The following PRPF18 variants were observed in gnomAD, a reference collection of about 807,000 sequenced individuals.
The protein encoded by PRPF18 is pre-mRNA-splicing factor 18.
A neutral mutation model predicts 46.5 loss-of-function variants in PRPF18; 38 were observed. The observed-to-expected ratio is 0.82, with a 90% CI of 0.63 to 1.07. PRPF18 has a LOEUF of 1.07. PRPF18 is among the 50% of genes least tolerant of loss of function. The pLI is 0.00. For missense variants in PRPF18, 263 were observed against 410.0 expected, an observed-to-expected ratio of 0.64 and a Z score of 3.10; for synonymous variants, 152 against 146.7, an observed-to-expected ratio of 1.04 and a Z score of -0.26.
chr10:13,651,950 A>C, the PRPF18 span: 2 of 1,596,302 alleles, frequency 1.3e-6, no homozygotes, highest in African/African-American at 1.3e-5. Context: ...ACCCATCCAG[A>C]ATGGGTGAGT....
chr10:13,604,921 A>G (rs1436602147), intron 3 of PRPF18, among the ~76,000 whole-genome samples: 2 of 152,264 alleles, frequency 1.3e-5, no homozygotes, highest in South Asian at 2.1e-4. Context: ...AATGAGGGCC[A>G]CAGACATGCC....
intron 9 of PRPF18, among the ~76,000 whole-genome samples, chr10:13,623,688 G>GTGGTT (rs138412407): frequency 2.0e-5 from 3 of 151,466 alleles, no homozygotes; most frequent in African/African-American, 7.3e-5. Flanking sequence ...AATTGTGATT[G>GTGGTT]TGGTTTGGTT....
the PRPF18 span, chr10:13,652,124 T>A: frequency 1.5e-6 from 1 of 666,090 alleles, no homozygotes; most frequent in Non-Finnish European, 2.8e-6. Context: ...ATACAAGTCA[T>A]GCAGTACTTT....
At chr10:13,596,549 G>A (rs926705228) in intron 1 of PRPF18, among the ~76,000 whole-genome samples, 4 of 152,156 alleles carry the variant, frequency 2.6e-5, no homozygotes, top group Admixed American at 1.3e-4. Context: ...TAATACAGTC[G>A]GGGACAGTGT....
At chr10:13,654,085 T>C in the PRPF18 span, 1 of 459,426 alleles carries the variant, frequency 2.2e-6, no homozygotes, top group Non-Finnish European at 3.8e-6. Context: ...GCATTTTGAG[T>C]CAGCCTGAGT....
At chr10:13,607,956 G>A (rs2080213810) in intron 4 of PRPF18, among the ~76,000 whole-genome samples, 1 of 152,140 alleles carries the variant, frequency 6.6e-6, no homozygotes, top group African/African-American at 2.4e-5. Context: ...TGATGATAGT[G>A]TTGTTCAGAT....
chr10:13,589,952 G>A (rs1053315708), intron 1 of PRPF18, among the ~76,000 whole-genome samples: 6 of 152,062 alleles, frequency 3.9e-5, no homozygotes, highest in Non-Finnish European at 5.9e-5. Context: ...AAATTTAGGT[G>A]TTGGAGTGCA....
chr10:13,650,477 G>A, the PRPF18 span, among the ~76,000 whole-genome samples: 11 of 152,290 alleles, frequency 7.2e-5, no homozygotes, highest in South Asian at 1.4e-3. Flanking sequence ...CATTCCCACC[G>A]CAGCTCTTTC....
At chr10:13,639,780 C>G in the PRPF18 span, 1 of 152,188 alleles carries the variant, frequency 6.6e-6, no homozygotes. Flanking sequence ...TCATGAGACT[C>G]TGCAAACCAC....
intron 6 of PRPF18, among the ~76,000 whole-genome samples, chr10:13,613,179 G>C (rs2080296383): frequency 6.6e-6 from 1 of 151,532 alleles, no homozygotes; most frequent in Admixed American, 6.6e-5. Context: ...AGCCTTCTCT[G>C]TTTCCTACTT....
At chr10:13,650,704 T>C in the PRPF18 span, among the ~76,000 whole-genome samples, 1 of 152,188 alleles carries the variant, frequency 6.6e-6, no homozygotes, top group East Asian at 1.9e-4. Context: ...CTTTGCAATA[T>C]TGTCCTAACT....
chr10:13,630,149 G>GCAAAT, intron 9 of PRPF18, 111 bp from the exon 10 acceptor site: 1 of 863,332 alleles, frequency 1.2e-6, no homozygotes, highest in Non-Finnish European at 1.9e-6. Context: ...ATTTGCTTGG[G>GCAAAT]TCTGCTGCAT....
intron 6 of PRPF18, among the ~76,000 whole-genome samples, chr10:13,612,686 G>T (rs1222617966): frequency 2.8e-5 from 4 of 142,080 alleles, no homozygotes; most frequent in Non-Finnish European, 6.0e-5. Flanking sequence ...AGGCTGGAGT[G>T]CAGTGGTGTC....
In PRPF18 at chr10:13,610,076, T is replaced by A; in HGVS notation, c.401T>A (p.Ile134Asn). The change falls in exon 5 of 10, where the codon ATT (isoleucine) becomes AAT (asparagine). Residue 134 changes from isoleucine (I) to asparagine (N), a missense_variant. Ile to Asn is a moderately radical substitution (Grantham distance 149). Around this residue, in one of 4 missense-constraint regions of PRPF18, gnomAD observed 155 missense variants for 245.1 expected, o/e 0.63. Coordinates refer to ENST00000378572, the MANE Select transcript of PRPF18 (RefSeq NM_003675.4). ...GATTTGAAAGCAGCCTTGGATAAGATTGATCAGCAGTACCTCAATGAAATC... is the reference window on the plus strand; with the variant it reads ...GATTTGAAAGCAGCCTTGGATAAGAATGATCAGCAGTACCTCAATGAAATC... Reference protein sequence around the residue: ...RNDLKAALDKIDQQYLNEIVG... With the variant: ...RNDLKAALDKNDQQYLNEIVG... 1 of 1,613,620 alleles carries A rather than the reference T, an allele frequency of 6.2e-7. No individual in the cohort carries two copies. The highest frequency in any genetic ancestry group is 8.5e-7 in the Non-Finnish European group (1 of 1,179,536).
intron 3 of PRPF18, among the ~76,000 whole-genome samples, chr10:13,602,619 T>C (rs960731192): frequency 3.3e-5 from 5 of 151,900 alleles, no homozygotes; most frequent in African/African-American, 1.2e-4. Context: ...TCATTCTTTA[T>C]ATATAGAAAA....
intron 6 of PRPF18, 92 bp from the exon 7 acceptor site, chr10:13,613,649 G>A (rs1589131064): frequency 5.4e-6 from 7 of 1,300,466 alleles, no homozygotes; most frequent in Non-Finnish European, 7.4e-6. Flanking sequence ...CTTTAAGGAT[G>A]ATTGTATTCT....
the PRPF18 span, chr10:13,642,431 T>G: frequency 1.3e-5 from 2 of 152,242 alleles, no homozygotes; most frequent in Non-Finnish European, 2.9e-5. Context: ...TTTGAAATGG[T>G]ATCCTGGGAA....
At chr10:13,652,078 G>T in the PRPF18 span, 1 of 756,462 alleles carries the variant, frequency 1.3e-6, no homozygotes, top group Non-Finnish European at 2.4e-6. Context: ...ATATCCGAAA[G>T]GCTTGCTGAT....
intron 3 of PRPF18, among the ~76,000 whole-genome samples, chr10:13,604,384 A>G (rs894242905): frequency 2.6e-5 from 4 of 152,242 alleles, no homozygotes; most frequent in Admixed American, 6.5e-5. Flanking sequence ...TATAAAGTGT[A>G]TGAACCATGT....
Sources: allele counts gnomAD v4.1 joint callset (sites outside exome capture counted in the v4.1 genomes callset), GRCh38; gene constraint gnomAD v4.1.1; regional missense constraint gnomAD v4.1.1; transcripts MANE v1.5; gene names NCBI Gene and HGNC (gene_info 2026-07-23, HGNC 2026-07-21).